FLNB: variants seen among roughly 807,000 people sequenced by gnomAD.
FLNB encodes filamin B.
Under a neutral mutation model 250.6 loss-of-function variants are expected in FLNB, and 111 were observed. The ratio of observed to expected loss-of-function variants is 0.44; its 90% CI spans 0.38 to 0.52. The LOEUF is 0.52. Ranked by LOEUF, FLNB falls within the 20% of genes least tolerant of loss-of-function variation. The probability of loss-of-function intolerance (pLI) is 0.00; values close to 1 mark genes in which losing one functional copy is unlikely to be tolerated. For synonymous variants in FLNB, 1,302 were observed against 1,372.1 expected, an observed-to-expected ratio of 0.95 and a Z score of 1.13; for missense variants, 2,869 against 3,447.8, an observed-to-expected ratio of 0.83 and a Z score of 4.20.
At chr3:58,136,746 CTTTTTTTTT>C (rs57053256) in intron 28 of FLNB, among the ~76,000 whole-genome samples, 42 of 79,814 alleles carry the variant, frequency 5.3e-4, no homozygotes, top group African/African-American at 1.8e-3. Context: ...ACAGGCCATT[CTTTTTTTTT>C]TTTTTTTTTT....
chr3:58,168,724 T>C (rs2097375336), intron 44 of FLNB, 66 bp downstream of exon 44: 40 of 1,147,084 alleles, frequency 3.5e-5, no homozygotes, highest in Middle Eastern at 5.5e-4. Flanking sequence ...AGATCAATCA[T>C]AGTGGAAACT....
In FLNB at chr3:58,146,885, G is replaced by A. The variant is rs1457045484; in HGVS notation, c.5620G>A (p.Gly1874Arg). The stretch of plus-strand genomic sequence containing the variant: ...AATCAGCTGCATTGACAATAAAGAT[G>A]GGACATGCACAGTGACCTACCTGCC... ...AEISCIDNKDGTCTVTYLPTL... is the reference protein window; with the variant it reads ...AEISCIDNKDRTCTVTYLPTL... Residue 1874 changes from glycine (G) to arginine (R), a missense_variant, in exon 34 of 46, where the codon GGG (glycine) becomes AGG (arginine). Gly to Arg is a moderately radical substitution (Grantham distance 125). Around this residue, in one of 5 missense-constraint regions of FLNB, gnomAD observed 1,084 missense variants for 1,315.5 expected, o/e 0.82. Coordinates refer to ENST00000295956, the MANE Select transcript of FLNB (RefSeq NM_001457.4). The A allele has an allele frequency of 1.2e-6, 2 of 1,614,148 alleles. No individual in the cohort carries two copies. Among genetic ancestry groups the A allele is most frequent in the South Asian group, 1.1e-5 (1 of 91,076 alleles).
intron 42 of FLNB, 97 bp from the exon 43 acceptor site, chr3:58,163,057 A>G (rs2097364286): frequency 8.2e-7 from 1 of 1,226,608 alleles, no homozygotes; most frequent in Non-Finnish European, 1.2e-6. Context: ...TTGATTTTAA[A>G]TGGGCCATCT....
intron 26 of FLNB, among the ~76,000 whole-genome samples, chr3:58,133,741 C>G (rs2107216960): frequency 6.6e-6 from 1 of 152,084 alleles, no homozygotes. Context: ...AATCATGCCC[C>G]TTAAGATGAA....
At chr3:58,126,127 A>G (rs2097297461) in intron 23 of FLNB, among the ~76,000 whole-genome samples, 2 of 152,226 alleles carry the variant, frequency 1.3e-5, no homozygotes, top group Non-Finnish European at 1.5e-5. Flanking sequence ...CTGTAATCTC[A>G]GCACTTCAGG....
At position 58,130,843 on chromosome 3, in the gene FLNB, C is replaced by T. The variant is rs778651433; in HGVS notation, c.4325C>T (p.Ser1442Phe). The change falls in exon 25 of 46, where the codon TCC (serine) becomes TTC (phenylalanine). Residue 1442 changes from serine to phenylalanine, a missense_variant. Transcript: ENST00000295956. ...GSGVRARVLQ[S>F]FTVDSSKAGL... Reference sequence around the variant, plus strand: ...GGCGTCCGAGCCCGTGTCCTGCAGTCCTTCACGGTGGACAGCAGCAAGGCT... The same window carrying T: ...GGCGTCCGAGCCCGTGTCCTGCAGTTCTTCACGGTGGACAGCAGCAAGGCT... 24 of 1,613,426 alleles carry T rather than the reference C, an allele frequency of 1.5e-5. No homozygotes were observed. The East Asian group carries it at 5.3e-4, about 36-fold the overall frequency.
At chr3:58,042,011 T>A (rs2097146753) in intron 1 of FLNB, among the ~76,000 whole-genome samples, 1 of 152,210 alleles carries the variant, frequency 6.6e-6, no homozygotes, top group African/African-American at 2.4e-5. Flanking sequence ...GTTCTTTCTG[T>A]GGTCAGTTTG....
At chr3:58,134,861 T>A in intron 27 of FLNB, 89 bp downstream of exon 27, 1 of 1,228,676 alleles carries the variant, frequency 8.1e-7, no homozygotes. Context: ...AATAACCGAT[T>A]TCTGACTCAA....
At chr3:58,103,296 A>C (rs1021844803) in intron 9 of FLNB, among the ~76,000 whole-genome samples, 18 of 115,188 alleles carry the variant, frequency 1.6e-4, no homozygotes, top group Admixed American at 1.1e-3. Context: ...GTGTGTGTGC[A>C]CGCGCGTGCA....
chr3:58,110,145 C>G lies in FLNB; in HGVS notation c.2459C>G (p.Thr820Ser). 1 of 1,614,218 alleles carries G rather than the reference C, an allele frequency of 6.2e-7. No homozygotes were observed. The highest frequency in any genetic ancestry group is 2.2e-5 in the East Asian group (1 of 44,892). ...GTGCCTCCTGCTGCTGGGCGATACA[C>G]TATCAAAGTTCTCTTTGCATCTCAG... The part of the protein sequence containing the change: ...KYVPPAAGRY[T>S]IKVLFASQEI... The change falls in exon 16 of 46, where the codon ACT becomes AGT. Residue 820 changes from threonine to serine, a missense_variant. By Grantham distance (58) the Thr-to-Ser change is moderately conservative (BLOSUM62 1). Transcript: ENST00000295956.
chr3:58,134,572 A>G (rs113271519), intron 26 of FLNB, 44 bp from the exon 27 acceptor site: 8 of 1,611,396 alleles, frequency 5.0e-6, no homozygotes, highest in African/African-American at 2.7e-5. Context: ...CTGGGTTGAC[A>G]TGTATCTTTA....
chr3:58,168,518 A>G lies in FLNB; in HGVS notation c.7277A>G (p.Lys2426Arg). 3.7e-6 allele frequency: 6 copies of G among 1,614,198 alleles called. No homozygotes were observed. The highest frequency in any genetic ancestry group is 4.2e-6 in the Non-Finnish European group (5 of 1,180,000). ...TCCGTCACCATCGAAGGCCCATCCAAGGTTAAAATGGATTGCCAGGAAACA... is the reference window on the plus strand; with the variant it reads ...TCCGTCACCATCGAAGGCCCATCCAGGGTTAAAATGGATTGCCAGGAAACA... ...TLSVTIEGPS[K>R]VKMDCQETPE... Residue 2426 changes from lysine to arginine, a missense_variant, in exon 44 of 46, where the codon AAG becomes AGG. Physicochemically the swap from Lys to Arg is conservative, Grantham distance 26. This residue lies in a region of FLNB where 1,084 missense variants were observed against 1,315.5 expected (regional missense o/e 0.82). Transcript: ENST00000295956.
chr3:58,108,940 G>T (rs1325101461), intron 13 of FLNB, among the ~76,000 whole-genome samples: 1 of 152,210 alleles, frequency 6.6e-6, no homozygotes, highest in Non-Finnish European at 1.5e-5. Context: ...TGCAGGAATT[G>T]AGTGGCCAAA....
At chr3:58,080,640 G>A (rs1266358417) in intron 3 of FLNB, among the ~76,000 whole-genome samples, 2 of 151,824 alleles carry the variant, frequency 1.3e-5, no homozygotes, top group Non-Finnish European at 1.5e-5. Flanking sequence ...GACTGCAGGT[G>A]TATGCCACCA....
rs899075127 is a variant in FLNB at position 58,081,838 on chromosome 3, A to T, written c.787+62A>T. The T allele has an allele frequency of 1.9e-6, 3 of 1,574,580 alleles. No homozygotes were observed. The African/African-American group carries it at 4.0e-5, about 21-fold the overall frequency. ...GTCCTCTGGTGTTGGAGATGATTTC[A>T]TGGCTTCAAGAGTGATGTTCTTAGA... On this transcript the variant is annotated intron_variant, in intron 4 of 45. Transcript: ENST00000295956.
Position 58,077,090 on chromosome 3 carries a change from C to A in FLNB, c.337C>A (p.Leu113Met). 1.2e-6 allele frequency: 2 copies of A among 1,614,122 alleles called. No homozygotes were observed. Residue 113 changes from leucine to methionine, a missense_variant, in exon 2 of 46, where the codon CTG becomes ATG. By Grantham distance (15) the Leu-to-Met change is conservative. Around this residue, in one of 5 missense-constraint regions of FLNB, gnomAD observed 308 missense variants for 466.1 expected, o/e 0.66. Transcript: ENST00000295956. ...VDGNLKLILG[L>M]VWTLILHYSI... is the part of the protein sequence containing the mutation. ...TGGGAACCTGAAGCTCATCTTGGGTCTGGTGTGGACGCTGATCCTCCACTA... is the reference window on the plus strand; with the variant it reads ...TGGGAACCTGAAGCTCATCTTGGGTATGGTGTGGACGCTGATCCTCCACTA...
intron 38 of FLNB, chr3:58,151,146 C>T (rs1213962254): frequency 6.6e-6 from 1 of 152,242 alleles, no homozygotes; most frequent in Non-Finnish European, 1.5e-5. Context: ...AATCCCAGCA[C>T]TTTGGGGGGC....
chr3:58,088,579 C>G (rs1471301967), intron 4 of FLNB, among the ~76,000 whole-genome samples: 1 of 152,106 alleles, frequency 6.6e-6, no homozygotes, highest in East Asian at 1.9e-4. Context: ...GTTTACTTTG[C>G]TTTATATATC....
intron 1 of FLNB, among the ~76,000 whole-genome samples, chr3:58,019,967 A>G (rs2097111266): frequency 1.3e-5 from 2 of 152,202 alleles, no homozygotes; most frequent in Non-Finnish European, 1.5e-5. Context: ...TGTGAGGTCT[A>G]GAAACCAGAG....
Sources: allele counts gnomAD v4.1 joint callset (sites outside exome capture counted in the v4.1 genomes callset), GRCh38; gene constraint gnomAD v4.1.1; regional missense constraint gnomAD v4.1.1; transcripts MANE v1.5; gene names NCBI Gene and HGNC (gene_info 2026-07-23, HGNC 2026-07-21).